The following ZAN variants were observed in gnomAD, a reference collection of about 807,000 sequenced individuals.
The protein encoded by ZAN is zonadhesin.
A neutral mutation model predicts 286.2 loss-of-function variants in ZAN; 260 were observed. That is an observed-to-expected ratio of 0.91 (90% confidence interval 0.82 to 1.01). ZAN has a LOEUF of 1.01. Ranked by LOEUF, ZAN falls within the 50% of genes least tolerant of loss-of-function variation. The pLI, the probability that ZAN is intolerant of heterozygous loss-of-function variation, is 0.00. For missense variants in ZAN, 3,410 were observed against 3,639.2 expected (o/e 0.94, Z 1.62); for synonymous variants, 1,368 against 1,417.5 (o/e 0.97, Z 0.79).
At chr7:100,795,400 A>T (rs970929135) in intron 45 of ZAN, 64 bp downstream of exon 45, 3 of 1,420,512 alleles carry the variant, frequency 2.1e-6, no homozygotes, top group Non-Finnish European at 2.8e-6. Context: ...CCACAGAATG[A>T]TTCTATATGT....
intron 34 of ZAN, among the ~76,000 whole-genome samples, chr7:100,778,567 C>T (rs751657471): frequency 6.6e-6 from 1 of 152,056 alleles, no homozygotes; most frequent in Non-Finnish European, 1.5e-5. Context: ...TTGATCACAC[C>T]ACTGTACTCC....
At position 100,747,456 on chromosome 7, in the gene ZAN, C is replaced by T. The variant is rs528019435; in HGVS notation, c.932-94C>T. On this transcript the variant is annotated intron_variant, in intron 8 of 47. Coordinates refer to ENST00000613979, the MANE Select transcript of ZAN (RefSeq NM_003386.3). ...TTCATTTGGTGGTAATCGTCCCCAG[C>T]TATGCCCTCTGCTCCTCATCCTCCT... 5.0e-5 allele frequency: 48 copies of T among 968,792 alleles called. 1 individual carries two copies. Among genetic ancestry groups the T allele is most frequent in the South Asian group, 4.9e-4 (38 of 76,984 alleles). 60.0% of individuals were successfully genotyped at this position (968,792 alleles called of 1,614,324 possible).
At position 100,784,672 on chromosome 7, in the gene ZAN, C is replaced by CCT; in HGVS notation, c.6672_6673insCT (p.Ser2225LeufsTer33). Reference sequence around the variant, plus strand: ...GCTACACCAACTGCCTTCCCTCCTGCTCACCCTCCTGCTGGGACCTGGATG... The same window carrying CCT: ...GCTACACCAACTGCCTTCCCTCCTGCCTTCACCCTCCTGCTGGGACCTGGATG... On this transcript the variant is annotated frameshift_variant, in exon 36 of 48. Transcript: ENST00000613979. LOFTEE classifies it high-confidence loss of function. 1 of 1,613,966 alleles carries CCT rather than the reference C, an allele frequency of 6.2e-7. No homozygotes were observed. The highest frequency in any genetic ancestry group is 8.5e-7 in the Non-Finnish European group (1 of 1,179,890).
Position 100,751,809 on chromosome 7 carries a change from G to A in ZAN, c.1704G>A (p.Lys568=), listed in dbSNP as rs748826616. The change falls in exon 14 of 48, where the codon AAG becomes AAA. Residue 568 remains lysine, a synonymous_variant. Coordinates refer to ENST00000613979, the MANE Select transcript of ZAN (RefSeq NM_003386.3). The part of the protein sequence containing the change: ...GLTENPTIST[K]KPTVSIEKPS... The stretch of plus-strand genomic sequence containing the variant: ...CAGAAAACCCTACAATCTCCACCAA[G>A]AAACCTACAGTTTCCATAGAAAAAC... 3.1e-6 allele frequency: 5 copies of A among 1,613,260 alleles called. No homozygotes were observed. The highest frequency in any genetic ancestry group is 4.5e-5 in the East Asian group (2 of 44,868).
intron 36 of ZAN, 95 bp from the exon 37 acceptor site, chr7:100,785,902 A>T (rs945002390): frequency 1.3e-4 from 185 of 1,460,106 alleles, no homozygotes; most frequent in Admixed American, 3.5e-4. Context: ...CAGGTGATCC[A>T]CCCGTCTCGG....
intron 37 of ZAN, among the ~76,000 whole-genome samples, chr7:100,787,490 GGGATGCCACC>G (rs1229216923): frequency 2.0e-5 from 3 of 152,106 alleles, no homozygotes. Context: ...GTGGCCACAG[GGGATGCCACC>G]GTGGGGGAGG....
Position 100,767,192 on chromosome 7 carries a change from A to C in ZAN, c.4795A>C (p.Ile1599Leu), listed in dbSNP as rs1384275161. ...CGGGGGGATCCTGGAGGTCTCCTAC[A>C]TCAAAGCCGTCCACGTGACAGTCTT... ...NRGGILEVSYIKAVHVTVFDL... is the reference protein window; with the variant it reads ...NRGGILEVSYLKAVHVTVFDL... The change falls in exon 25 of 48, where the codon ATC (isoleucine) becomes CTC (leucine). Residue 1599 changes from isoleucine (I) to leucine (L), a missense_variant. Coordinates refer to ENST00000613979, the MANE Select transcript of ZAN (RefSeq NM_003386.3). 6.2e-7 allele frequency: 1 copy of C among 1,613,386 alleles called. No homozygotes were observed. Among genetic ancestry groups the C allele is most frequent in the Admixed American group, 1.7e-5 (1 of 59,948 alleles).
rs1807404839 is a variant in ZAN, at chr7:100,737,574, C to T, written c.613+225C>T. ...ACAAAAAATTAGCCGGGCGCGGTGG[C>T]GGGCGCCTGTAGTCCCAGCTACTTG... On this transcript the variant is annotated intron_variant, in intron 6 of 47. Coordinates refer to ENST00000613979, the MANE Select transcript of ZAN (RefSeq NM_003386.3). 2.9e-5 allele frequency among the ~76,000 whole-genome samples: 4 copies of T among 140,134 alleles called. 1 individual carries two copies. The highest frequency in any genetic ancestry group is 7.1e-5 in the Admixed American group (1 of 14,100). The allele number at this position is 140,134 out of a possible 152,430, so 91.9% of individuals were successfully genotyped here. A position where few individuals can be genotyped will look rare whatever the true frequency, so the allele number is the denominator to read the frequency against.
chr7:100,767,814 C>A lies in ZAN; in HGVS notation c.4861-17C>A, dbSNP rs763545965. ...TCTTTCCTGACTCTCCTTTCTACGT[C>A]CTCCCTGCCTCTGCAGCTGAATGGC... On this transcript the variant is annotated splice_polypyrimidine_tract_variant and intron_variant, in intron 25 of 47. Transcript: ENST00000613979. 6.2e-7 allele frequency: 1 copy of A among 1,605,768 alleles called. No individual in the cohort carries two copies. Among genetic ancestry groups the A allele is most frequent in the Non-Finnish European group, 8.5e-7 (1 of 1,175,618 alleles).
rs1387664092 is a variant in ZAN, at chr7:100,752,433, C to T, written c.2328C>T (p.Pro776=). 1.9e-6 allele frequency: 3 copies of T among 1,596,628 alleles called. No homozygotes were observed. The highest frequency in any genetic ancestry group is 2.2e-5 in the South Asian group (2 of 89,518). Residue 776 remains proline (P), a synonymous_variant, in exon 14 of 48, where the codon CCC becomes CCT. Transcript: ENST00000613979. ...PTISPEKLTI[P]TEKPTIPTEK... is the part of the protein sequence containing the mutation. ...TCTCCCCAGAAAAACTCACCATCCC[C>T]ACAGAAAAACCCACCATCCCCACAG... is the stretch of plus-strand genomic sequence containing the variant.
chr7:100,756,538 G>A (rs1425808790), intron 15 of ZAN, among the ~76,000 whole-genome samples: 2 of 152,016 alleles, frequency 1.3e-5, no homozygotes, highest in African/African-American at 4.8e-5. Flanking sequence ...TCCCTTTTGG[G>A]ACTATTATTT....
At chr7:100,789,077 AG>A in intron 38 of ZAN, 140 bp from the exon 39 acceptor site, 1 of 1,241,624 alleles carries the variant, frequency 8.1e-7, no homozygotes, top group African/African-American at 1.5e-5. Context: ...CCACGTGAAT[AG>A]CAAAGCCCAT....
chr7:100,748,314 G>A lies in ZAN; in HGVS notation c.1103-10G>A. 2 of 1,613,946 alleles carry A rather than the reference G, an allele frequency of 1.2e-6. No homozygotes were observed. The highest frequency in any genetic ancestry group is 3.3e-5 in the Admixed American group (2 of 60,008). On this transcript the variant is annotated splice_polypyrimidine_tract_variant and intron_variant, in intron 10 of 47. Transcript: ENST00000613979. ...TCAACTTGCTCAAATATCCTATTTTGATCCCCCAGAGGGTTTTCCTCAGTG... is the reference window on the plus strand; with the variant it reads ...TCAACTTGCTCAAATATCCTATTTTAATCCCCCAGAGGGTTTTCCTCAGTG...
Position 100,751,022 on chromosome 7 carries a change from G to C in ZAN, c.1521+126G>C, listed in dbSNP as rs962965935. 3 of 1,433,312 alleles carry C rather than the reference G, an allele frequency of 2.1e-6. No homozygotes were observed. In the African/African-American group the frequency reaches 4.3e-5, roughly 20 times the overall value. The allele number at this position is 1,433,312 out of a possible 1,614,324, so 88.8% of individuals were successfully genotyped here. ...AGAGCCGAGAAAAGGGGAACTTCGTGTTACAGAAAGTGAGAAAGGGGCCGG... is the reference window on the plus strand; with the variant it reads ...AGAGCCGAGAAAAGGGGAACTTCGTCTTACAGAAAGTGAGAAAGGGGCCGG... On this transcript the variant is annotated intron_variant, in intron 12 of 47. Transcript: ENST00000613979.
intron 36 of ZAN, among the ~76,000 whole-genome samples, chr7:100,785,496 A>T (rs1811503092): frequency 6.6e-6 from 1 of 151,154 alleles, no homozygotes; most frequent in Admixed American, 6.6e-5. Context: ...CTCCCAAAGT[A>T]CTAAGATTAC....
At chr7:100,780,658 G>GA (rs946545102) in intron 35 of ZAN, among the ~76,000 whole-genome samples, 2 of 110,590 alleles carry the variant, frequency 1.8e-5, no homozygotes, top group African/African-American at 3.1e-5. Context: ...GAGACTCTCA[G>GA]AAAAAAAAAA....
Position 100,753,241 on chromosome 7 carries a change from A to T in ZAN, c.3124+12A>T, listed in dbSNP as rs75724392. The stretch of plus-strand genomic sequence containing the variant: ...CAGATCCAGTACAGGTATGAGGTGG[A>T]TGGAGCGTGGGCCAAGGCTGAAAGT... On this transcript the variant is annotated intron_variant, in intron 14 of 47. Coordinates refer to ENST00000613979, the MANE Select transcript of ZAN (RefSeq NM_003386.3). 2 of 1,564,320 alleles carry T rather than the reference A, an allele frequency of 1.3e-6. No homozygotes were observed. Among genetic ancestry groups the T allele is most frequent in the South Asian group, 2.4e-5 (2 of 84,002 alleles).
chr7:100,783,817 C>CATAT (rs71837847), intron 35 of ZAN, among the ~76,000 whole-genome samples: 18 of 74,346 alleles, frequency 2.4e-4, no homozygotes, highest in Non-Finnish European at 4.4e-4. Context: ...TATATATATA[C>CATAT]ATATATATAT....
intron 34 of ZAN, among the ~76,000 whole-genome samples, chr7:100,778,114 A>G (rs1054407335): frequency 2.0e-5 from 3 of 152,062 alleles, no homozygotes; most frequent in African/African-American, 7.2e-5. Flanking sequence ...CAGCCTAGGC[A>G]GCATAGCAAG....
Sources: gnomAD v4.1 joint callset for allele counts (sites outside exome capture counted in the v4.1 genomes callset) on GRCh38, gnomAD v4.1.1 for gene constraint, MANE v1.5 for transcripts, NCBI Gene and HGNC (gene_info 2026-07-23, HGNC 2026-07-21) for gene names.